Variants in DNAH14 observed in about 807,000 individuals in gnomAD.
DNAH14 encodes the protein dynein axonemal heavy chain 14, also known as axonemal beta dynein heavy chain 14.
A neutral mutation model predicts 520.9 loss-of-function variants in DNAH14; 478 were observed. That is an observed-to-expected ratio of 0.92 (90% CI 0.85 to 0.99). The LOEUF is 0.99. Ranked by LOEUF, DNAH14 falls within the 50% of genes least tolerant of loss-of-function variation. The pLI is 0.00. For missense variants in DNAH14, 4,831 were observed against 5,234.5 expected, an observed-to-expected ratio of 0.92 and a Z score of 2.38; for synonymous variants, 1,581 against 1,757.2, an observed-to-expected ratio of 0.90 and a Z score of 2.51.
Position 225,272,089 on chromosome 1 carries a change from C to A in DNAH14, c.7839+16C>A. On this transcript the variant is annotated intron_variant, in intron 51 of 85. Transcript: ENST00000682510. The stretch of plus-strand genomic sequence containing the variant: ...TATGTTTAAGGTTTGTTTTAATGTT[C>A]ATTCTCTAGTTTATTTTTTAAATAT... 1.3e-6 allele frequency: 2 copies of A among 1,536,592 alleles called. No homozygotes were observed. The highest frequency in any genetic ancestry group is 2.4e-5 in the South Asian group (2 of 82,026).
Position 225,185,340 on chromosome 1 carries a change from C to CA in DNAH14, c.5586dup (p.Val1863SerfsTer50), listed in dbSNP as rs1351726812. The CA allele has an allele frequency of 8.4e-6, 13 of 1,547,376 alleles. No individual in the cohort carries two copies. The highest frequency in any genetic ancestry group is 1.1e-5 in the Non-Finnish European group (13 of 1,145,308). On this transcript the variant is annotated frameshift_variant, in exon 37 of 86. Transcript: ENST00000682510. LOFTEE classifies it high-confidence loss of function. ...GGCCCAACAGGTGGAGGAAAGACAACAGTCAGAAGAATTTTGGAAAAAGCA... is the reference window on the plus strand; with the variant it reads ...GGCCCAACAGGTGGAGGAAAGACAACAAGTCAGAAGAATTTTGGAAAAAGCA...
Position 225,163,137 on chromosome 1 carries a change from CAAAAAAAAA to C in DNAH14, c.5445+3669_5445+3677del, listed in dbSNP as rs34356854. On this transcript the variant is annotated intron_variant, in intron 35 of 85. Coordinates refer to ENST00000682510, the MANE Select transcript of DNAH14 (RefSeq NM_001367479.1). ...TGGGAGACAGCATAAGACCCTATCT[CAAAAAAAAA>C]AAAAAAAAAAAAAAAAGGAAAAAGA... Among the ~76,000 whole-genome samples the C allele has an allele frequency of 7.5e-5, 4 of 53,684 alleles. No individual in the cohort carries two copies. The East Asian group carries it at 1.6e-3, about 21-fold the overall frequency. The allele number at this position is 53,684 out of a possible 152,430, so 35.2% of individuals were successfully genotyped here.
At chr1:224,945,923 C>G (rs1356750621) in intron 1 of DNAH14, among the ~76,000 whole-genome samples, 1 of 152,294 alleles carries the variant, frequency 6.6e-6, no homozygotes, top group Non-Finnish European at 1.5e-5. Context: ...CCCAGTTAGG[C>G]TACTCGGGGG....
At chr1:225,043,161 G>A in intron 13 of DNAH14, 47 bp downstream of exon 13, 1 of 1,500,390 alleles carries the variant, frequency 6.7e-7, no homozygotes. Flanking sequence ...CAGGTGTGGT[G>A]GCTCATGCCT....
chr1:225,167,954 G>A lies in DNAH14; in HGVS notation c.5461G>A (p.Ala1821Thr). The stretch of plus-strand genomic sequence containing the variant: ...TTCCTTTTAGAAAGTAATATATACT[G>A]CAACTCAGCAATTGGGTTTACAAAA... ...QLALEKVIYTATQQLGLQNWS... is the reference protein window; with the variant it reads ...QLALEKVIYTTTQQLGLQNWS... The change falls in exon 36 of 86, where the codon GCA becomes ACA. Residue 1821 changes from alanine (A) to threonine (T), a missense_variant. Coordinates refer to ENST00000682510, the MANE Select transcript of DNAH14 (RefSeq NM_001367479.1). 1 of 1,525,836 alleles carries A rather than the reference G, an allele frequency of 6.6e-7. No homozygotes were observed. The highest frequency in any genetic ancestry group is 8.8e-7 in the Non-Finnish European group (1 of 1,133,770). 94.5% of individuals were successfully genotyped at this position (1,525,836 alleles called of 1,614,324 possible).
At chr1:224,962,149 G>T (rs2060885161) in intron 4 of DNAH14, among the ~76,000 whole-genome samples, 1 of 151,838 alleles carries the variant, frequency 6.6e-6, no homozygotes, top group Non-Finnish European at 1.5e-5. Flanking sequence ...AGAATTCTAA[G>T]ATGCCCTCCA....
chr1:224,943,259 C>T (rs925106091), intron 1 of DNAH14, among the ~76,000 whole-genome samples: 11 of 151,840 alleles, frequency 7.2e-5, no homozygotes, highest in African/African-American at 2.2e-4. Flanking sequence ...GGAATTTATC[C>T]ATTTCTTCTA....
rs1194328076 is a variant in DNAH14 at position 225,039,877 on chromosome 1, C to CAAA, written c.1488+1076_1488+1078dup. On this transcript the variant is annotated intron_variant, in intron 12 of 85. Transcript: ENST00000682510. The stretch of plus-strand genomic sequence containing the variant: ...TGGGCGACAGAGCGAGACTCCGTCT[C>CAAA]AAAAAAAAAAAAAAAAAAAAAAAAG... Among the ~76,000 whole-genome samples, 33 of 48,986 alleles carry CAAA rather than the reference C, an allele frequency of 6.7e-4. No individual in the cohort carries two copies. The East Asian group carries it at 7.3e-3, about 11-fold the overall frequency. 32.1% of individuals were successfully genotyped at this position (48,986 alleles called of 152,430 possible). A position where few individuals can be genotyped will look rare whatever the true frequency, so the allele number is the denominator to read the frequency against.
intron 1 of DNAH14, among the ~76,000 whole-genome samples, chr1:224,947,106 C>T (rs187003528): frequency 8.6e-5 from 13 of 151,694 alleles, no homozygotes; most frequent in African/African-American, 2.9e-4. Flanking sequence ...TGAGTAGAGA[C>T]GGGGTTTTAC....
intron 8 of DNAH14, among the ~76,000 whole-genome samples, chr1:224,976,241 T>G (rs1392026286): frequency 1.3e-5 from 2 of 152,182 alleles, no homozygotes; most frequent in African/African-American, 4.8e-5. Context: ...GTCTATTAGG[T>G]CTCCTTGGTG....
chr1:225,324,303 T>C lies in DNAH14; in HGVS notation c.9577T>C (p.Ser3193Pro), dbSNP rs1283490120. The C allele has an allele frequency of 6.4e-7, 1 of 1,551,904 alleles. No homozygotes were observed. Among genetic ancestry groups the C allele is most frequent in the Admixed American group, 2.0e-5 (1 of 51,000 alleles). ...TTCGCTGGTTTCTGTTGCTTGTTGCTCCCTGTGCCAGTGGGTTATAGCTTT... is the reference window on the plus strand; with the variant it reads ...TTCGCTGGTTTCTGTTGCTTGTTGCCCCCTGTGCCAGTGGGTTATAGCTTT... ...KISLVSVACCSLCQWVIALNN... is the reference protein window; with the variant it reads ...KISLVSVACCPLCQWVIALNN... The change falls in exon 63 of 86, where the codon TCC becomes CCC. Residue 3193 changes from serine (S) to proline (P), a missense_variant. Transcript: ENST00000682510.
At chr1:225,044,488 A>G (rs1047241237) in intron 15 of DNAH14, among the ~76,000 whole-genome samples, 4 of 152,096 alleles carry the variant, frequency 2.6e-5, no homozygotes, top group Admixed American at 1.3e-4. Context: ...TCATGTCACC[A>G]TAGTTTGCTG....
intron 64 of DNAH14, among the ~76,000 whole-genome samples, chr1:225,325,227 G>C (rs772351502): frequency 6.7e-6 from 1 of 150,320 alleles, no homozygotes; most frequent in Non-Finnish European, 1.5e-5. Flanking sequence ...TCTCATGCCT[G>C]TAATCCCAGC....
intron 41 of DNAH14, among the ~76,000 whole-genome samples, chr1:225,209,388 G>A (rs891623447): frequency 6.6e-6 from 1 of 152,074 alleles, no homozygotes; most frequent in Non-Finnish European, 1.5e-5. Context: ...GCAATAGATT[G>A]CTGTTGTTTG....
intron 64 of DNAH14, among the ~76,000 whole-genome samples, chr1:225,326,317 C>T (rs2094667631): frequency 1.3e-5 from 2 of 152,206 alleles, no homozygotes; most frequent in South Asian, 4.1e-4. Context: ...TAAACTGCTA[C>T]ATTTTAAAAT....
rs1391730533 is a variant in DNAH14 at position 224,929,708 on chromosome 1, T to C, written c.-161T>C. The C allele has an allele frequency of 1.4e-6, 1 of 702,304 alleles. No individual in the cohort carries two copies. 43.5% of individuals were successfully genotyped at this position (702,304 alleles called of 1,614,324 possible). A position where few individuals can be genotyped will look rare whatever the true frequency, so the allele number is the denominator to read the frequency against. On this transcript the variant is annotated 5_prime_UTR_variant, in exon 1 of 86. Transcript: ENST00000682510. ...GTTACGGCCAGGAGGCGTCGGAGCC[T>C]GGCGTGGTAGGGCTGTGCTGCGCGG...
At chr1:225,283,169 A>C (rs775258381) in intron 54 of DNAH14, among the ~76,000 whole-genome samples, 1 of 152,070 alleles carries the variant, frequency 6.6e-6, no homozygotes, top group Non-Finnish European at 1.5e-5. Context: ...TATGGAAAAT[A>C]ACAGTGTGGC....
intron 36 of DNAH14, among the ~76,000 whole-genome samples, chr1:225,171,382 TAAAG>T (rs2082639543): frequency 6.6e-6 from 1 of 151,366 alleles, no homozygotes; most frequent in East Asian, 1.9e-4. Context: ...GCAAAACTGA[TAAAG>T]AAGAAAAGAG....
intron 11 of DNAH14, among the ~76,000 whole-genome samples, chr1:225,029,928 C>G (rs949986091): frequency 2.0e-5 from 3 of 151,844 alleles, no homozygotes; most frequent in Non-Finnish European, 2.9e-5. Flanking sequence ...TCAACTAATC[C>G]TAAATCATCA....
Sources: allele counts gnomAD v4.1 joint callset (sites outside exome capture counted in the v4.1 genomes callset), GRCh38; gene constraint gnomAD v4.1.1; transcripts MANE v1.5; gene names NCBI Gene and HGNC (gene_info 2026-07-23, HGNC 2026-07-21).